TAMM41: variants seen among roughly 807,000 people sequenced by gnomAD.
TAMM41 encodes phosphatidate cytidylyltransferase, mitochondrial.
A neutral mutation model predicts 44.1 loss-of-function variants in TAMM41; 36 were observed. The ratio of observed to expected loss-of-function variants is 0.82; its 90% CI spans 0.63 to 1.08. The LOEUF (loss-of-function observed/expected upper bound fraction) is 1.08, where lower values mean the gene tolerates loss of function less well. Among genes scored for constraint, TAMM41 ranks in the 50% least tolerant of loss-of-function variants. The pLI is 0.00. For synonymous variants in TAMM41, 164 were observed against 153.1 expected (o/e 1.07, Z -0.53); for missense variants, 417 against 404.3 (o/e 1.03, Z -0.27).
chr3:11,767,214 G>A, the TAMM41 span, among the ~76,000 whole-genome samples: 3 of 152,062 alleles, frequency 2.0e-5, no homozygotes, highest in Admixed American at 6.5e-5. Flanking sequence ...CACTACAGGC[G>A]CGTGCCACCA....
At chr3:11,768,614 G>A in the TAMM41 span, among the ~76,000 whole-genome samples, 1 of 152,234 alleles carries the variant, frequency 6.6e-6, no homozygotes, top group Non-Finnish European at 1.5e-5. Flanking sequence ...AGAAGAAGGA[G>A]AAACCAGTTA....
At chr3:11,803,214 G>C (rs888135050) in intron 7 of TAMM41, among the ~76,000 whole-genome samples, 5 of 152,178 alleles carry the variant, frequency 3.3e-5, no homozygotes, top group African/African-American at 1.2e-4. Flanking sequence ...AGAGGTTGCT[G>C]CGAGCTGAGA....
At chr3:11,778,049 T>C in the TAMM41 span, among the ~76,000 whole-genome samples, 633 of 152,248 alleles carry the variant, frequency 4.2e-3, 5 homozygotes, top group Non-Finnish European at 5.7e-3. Flanking sequence ...GTGAGGCTTC[T>C]TCCATTTGGC....
chr3:11,731,041 TGTGTATGCGTTA>T, the TAMM41 span, among the ~76,000 whole-genome samples: 1 of 152,124 alleles, frequency 6.6e-6, no homozygotes, highest in Non-Finnish European at 1.5e-5. Flanking sequence ...TAGAAAAGTG[TGTGTATGCGTTA>T]GAACAGCCAC....
At position 11,839,238 on chromosome 3, in the gene TAMM41, C is replaced by A; in HGVS notation, c.395G>T (p.Gly132Val). ...LLNWNNLYIA[G>V]RLQKPVKIIS... ...AACACTCACCGGTTTTTGGAGTCGT[C>A]CAGCAATGTATAAGTTATTCCAGTT... The change falls in exon 3 of 8, where the codon GGA becomes GTA. Residue 132 changes from glycine (G) to valine (V), a missense_variant. By Grantham distance (109) the Gly-to-Val change is moderately radical. Transcript: ENST00000455809. 1 of 1,613,028 alleles carries A rather than the reference C, an allele frequency of 6.2e-7. No homozygotes were observed. Among genetic ancestry groups the A allele is most frequent in the African/African-American group, 1.3e-5 (1 of 74,986 alleles).
intron 5 of TAMM41, among the ~76,000 whole-genome samples, chr3:11,816,388 A>C (rs1315250348): frequency 6.6e-6 from 1 of 152,244 alleles, no homozygotes; most frequent in African/African-American, 2.4e-5. Context: ...AATATGTATG[A>C]GCCCATTAAT....
At chr3:11,817,046 T>C in intron 5 of TAMM41, 146 bp downstream of exon 5, 2 of 795,320 alleles carry the variant, frequency 2.5e-6, no homozygotes, top group Non-Finnish European at 3.7e-6. Context: ...TTATTCCAGA[T>C]ACACAGAAGC....
At chr3:11,737,923 C>T in the TAMM41 span, among the ~76,000 whole-genome samples, 1 of 152,174 alleles carries the variant, frequency 6.6e-6, no homozygotes, top group South Asian at 2.1e-4. Flanking sequence ...TTCCACTTTT[C>T]TTCTCCATTC....
rs141037359 is a variant in TAMM41, at chr3:11,811,990, C to T, written c.709-2308G>A. 6.6e-3 allele frequency among the ~76,000 whole-genome samples: 1,005 copies of T among 152,260 alleles called. 8 individuals carry two copies. The highest frequency in any genetic ancestry group is 0.021 in the African/African-American group (878 of 41,532). On this transcript the variant is annotated intron_variant, in intron 5 of 7. Coordinates refer to ENST00000455809, the MANE Select transcript of TAMM41 (RefSeq NM_001284401.2). ...TTGCCCAGGCTGGAGTGCAGTGGCG[C>T]GATCTCAGCTCGCTGCAACCTCCAT... is the stretch of plus-strand genomic sequence containing the variant.
downstream of TAMM41, among the ~76,000 whole-genome samples, chr3:11,789,855 G>C (rs931450311): frequency 4.6e-5 from 7 of 152,174 alleles, no homozygotes; most frequent in Non-Finnish European, 7.3e-5. Context: ...ACACTGCAGA[G>C]GGCAGAGAGA....
At chr3:11,806,750 C>T (rs1017594904) in intron 7 of TAMM41, among the ~76,000 whole-genome samples, 5 of 152,014 alleles carry the variant, frequency 3.3e-5, no homozygotes, top group Non-Finnish European at 5.9e-5. Flanking sequence ...AATGAATTCC[C>T]GGTAAAACAG....
At chr3:11,730,949 T>C in the TAMM41 span, among the ~76,000 whole-genome samples, 2 of 152,110 alleles carry the variant, frequency 1.3e-5, no homozygotes, top group Non-Finnish European at 2.9e-5. Flanking sequence ...TACGTTGGTA[T>C]TGGACGGACC....
At chr3:11,734,552 T>C in the TAMM41 span, among the ~76,000 whole-genome samples, 1 of 152,126 alleles carries the variant, frequency 6.6e-6, no homozygotes, top group African/African-American at 2.4e-5. Flanking sequence ...CACTCCTCTA[T>C]TAGAAAGAAT....
At chr3:11,739,551 A>G in the TAMM41 span, among the ~76,000 whole-genome samples, 1 of 152,000 alleles carries the variant, frequency 6.6e-6, no homozygotes, top group East Asian at 1.9e-4. Flanking sequence ...TCACTCCGAT[A>G]ATCCCAGCTA....
the TAMM41 span, among the ~76,000 whole-genome samples, chr3:11,731,617 T>G: frequency 6.6e-6 from 1 of 152,128 alleles, no homozygotes; most frequent in Non-Finnish European, 1.5e-5. Flanking sequence ...ATAAATGAGA[T>G]TTTAGTACAG....
the TAMM41 span, among the ~76,000 whole-genome samples, chr3:11,781,816 C>T: frequency 2.6e-5 from 4 of 151,664 alleles, no homozygotes; most frequent in African/African-American, 7.3e-5. Flanking sequence ...TTGTCCCAGT[C>T]GTCAACAAAT....
At chr3:11,781,773 AATAATAATC>A in the TAMM41 span, among the ~76,000 whole-genome samples, 1,239 of 41,730 alleles carry the variant, frequency 0.03, 16 homozygotes, top group East Asian at 0.12. Flanking sequence ...TAATAATAAT[AATAATAATC>A]ATACAAATAA....
the TAMM41 span, among the ~76,000 whole-genome samples, chr3:11,760,690 A>T: frequency 6.6e-6 from 1 of 151,988 alleles, no homozygotes; most frequent in Non-Finnish European, 1.5e-5. Context: ...CCTCCTGAGA[A>T]GCTGGGACTA....
the TAMM41 span, among the ~76,000 whole-genome samples, chr3:11,722,368 T>C: frequency 6.7e-6 from 1 of 149,466 alleles, no homozygotes; most frequent in Non-Finnish European, 1.5e-5. Flanking sequence ...CAAGTTACTG[T>C]AAGAAAAAGG....
Sources: gnomAD v4.1 joint callset for allele counts (sites outside exome capture counted in the v4.1 genomes callset) on GRCh38, gnomAD v4.1.1 for gene constraint, MANE v1.5 for transcripts, NCBI Gene and HGNC (gene_info 2026-07-23, HGNC 2026-07-21) for gene names.